The following CASTOR1 variants were observed in gnomAD, a reference collection of about 807,000 sequenced individuals.
The protein encoded by CASTOR1 is GATS protein like 3.
CASTOR1 carries 18 observed loss-of-function variants against 33.7 expected under a neutral mutation model. The observed-to-expected ratio is 0.53, with a 90% confidence interval of 0.37 to 0.79. The LOEUF (loss-of-function observed/expected upper bound fraction) is 0.79, where lower values mean the gene tolerates loss of function less well. Ranked by LOEUF, CASTOR1 falls within the 30% of genes least tolerant of loss-of-function variation. CASTOR1 has a pLI of 0.00. For synonymous variants in CASTOR1, 175 were observed against 190.6 expected, an observed-to-expected ratio of 0.92 and a Z score of 0.67; for missense variants, 362 against 446.3, an observed-to-expected ratio of 0.81 and a Z score of 1.70.
chr22:30,285,335 G>C lies in CASTOR1; in HGVS notation c.*285C>G, dbSNP rs530548093. The C allele has an allele frequency of 2.9e-6, 1 of 345,290 alleles. No individual in the cohort carries two copies. The allele number at this position is 345,290 out of a possible 1,614,324, so 21.4% of individuals were successfully genotyped here. A position where few individuals can be genotyped will look rare whatever the true frequency, so the allele number is the denominator to read the frequency against. ...CTCAGGCAGGGACTGTGCAAACGCCGAGGCTGCGCAGGGAGTGATGGGTTG... is the reference window on the plus strand; with the variant it reads ...CTCAGGCAGGGACTGTGCAAACGCCCAGGCTGCGCAGGGAGTGATGGGTTG... On this transcript the variant is annotated 3_prime_UTR_variant, in exon 9 of 9. Transcript: ENST00000407689.
At chr22:30,288,925 GTTAGCCCCA>G (rs1929859053) in intron 1 of CASTOR1, 149 bp from the exon 2 acceptor site, 2 of 608,644 alleles carry the variant, frequency 3.3e-6, no homozygotes, top group East Asian at 6.1e-5. Flanking sequence ...CCAATGGGAT[GTTAGCCCCA>G]TCTCGGGGGT....
At chr22:30,289,283 G>T in intron 1 of CASTOR1, 102 bp downstream of exon 1, 2 of 886,514 alleles carry the variant, frequency 2.3e-6, no homozygotes, top group Non-Finnish European at 1.8e-6. Flanking sequence ...GCTCCCGCCC[G>T]CCTGCCTGCC....
chr22:30,288,714 C>T lies in CASTOR1; in HGVS notation c.176G>A (p.Gly59Asp). The change falls in exon 2 of 9, where the codon GGC becomes GAC. Residue 59 changes from glycine (G) to aspartate (D), a missense_variant. By Grantham distance (94) the Gly-to-Asp change is moderately conservative. Transcript: ENST00000407689. ...CCCAGACCAACCCCCACCTTTAAAGCCCTCCTCGTCCACCATAAGCGTGTA... is the reference window on the plus strand; with the variant it reads ...CCCAGACCAACCCCCACCTTTAAAGTCCTCCTCGTCCACCATAAGCGTGTA... ...EDYTLMVDEE[G>D]FKELPPSEFL... is the part of the protein sequence containing the mutation. The T allele has an allele frequency of 6.2e-7, 1 of 1,612,360 alleles. No homozygotes were observed. Among genetic ancestry groups the T allele is most frequent in the Non-Finnish European group, 8.5e-7 (1 of 1,179,354 alleles).
At chr22:30,285,743 C>A (rs1387809845) in intron 8 of CASTOR1, 55 bp from the exon 9 acceptor site, 1 of 1,517,202 alleles carries the variant, frequency 6.6e-7, no homozygotes, top group Non-Finnish European at 8.9e-7. Flanking sequence ...CCAGGGCCAC[C>A]CCTGACTTCC....
chr22:30,288,874 G>C, intron 1 of CASTOR1, 98 bp from the exon 2 acceptor site: 2 of 995,254 alleles, frequency 2.0e-6, no homozygotes, highest in East Asian at 5.5e-5. Flanking sequence ...CGCGACCCTG[G>C]GCCGGGCGCC....
rs753853345 is a variant in CASTOR1 at position 30,285,894 on chromosome 22, G to A, written c.859C>T (p.Pro287Ser). ...GCAGAGATGTCAGCGGCAGCCAGGG[G>A]ACCTGCAATCTGTGCCACGATGCCA... ...ECGIVAQIAG[P>S]LAAADISAYY... Residue 287 changes from proline to serine, a missense_variant, in exon 8 of 9, where the codon CCC becomes TCC. Coordinates refer to ENST00000407689, the MANE Select transcript of CASTOR1 (RefSeq NM_001037666.3). 1 of 1,609,624 alleles carries A rather than the reference G, an allele frequency of 6.2e-7. No individual in the cohort carries two copies. The highest frequency in any genetic ancestry group is 8.5e-7 in the Non-Finnish European group (1 of 1,178,462).
At position 30,289,379 on chromosome 22, in the gene CASTOR1, G is replaced by T; in HGVS notation, c.113+6C>A. On this transcript the variant is annotated splice_donor_region_variant and intron_variant, in intron 1 of 8. Coordinates refer to ENST00000407689, the MANE Select transcript of CASTOR1 (RefSeq NM_001037666.3). ...CCTATCTGCGCTCCCGAACCCGGGC[G>T]CGCACCGGCTGCGGCGGGGCAGGAA... 1 of 1,593,620 alleles carries T rather than the reference G, an allele frequency of 6.3e-7. No homozygotes were observed. The highest frequency in any genetic ancestry group is 1.7e-5 in the Admixed American group (1 of 59,364).
intron 3 of CASTOR1, 42 bp from the exon 4 acceptor site, chr22:30,287,329 C>T: frequency 6.3e-7 from 1 of 1,585,616 alleles, no homozygotes; most frequent in Non-Finnish European, 8.6e-7. Flanking sequence ...CTCCCAGGTA[C>T]CTATATCCAC....
intron 5 of CASTOR1, 58 bp downstream of exon 5, chr22:30,286,767 G>C (rs756366126): frequency 1.2e-6 from 2 of 1,609,466 alleles, no homozygotes; most frequent in South Asian, 2.2e-5. Context: ...GCGGAAAGTG[G>C]TGGGACAGAG....
intron 5 of CASTOR1, 171 bp from the exon 6 acceptor site, chr22:30,286,547 G>T: frequency 1.5e-6 from 1 of 659,508 alleles, no homozygotes; most frequent in Non-Finnish European, 2.6e-6. Context: ...GGGTGGGGAT[G>T]GGGGAGGACA....
chr22:30,287,482 G>A lies in CASTOR1; in HGVS notation c.263C>T (p.Ala88Val), dbSNP rs569590873. 125 of 1,613,394 alleles carry A rather than the reference G, an allele frequency of 7.7e-5. 1 individual carries two copies. The South Asian group carries it at 1.1e-3, about 14-fold the overall frequency. Residue 88 changes from alanine to valine, a missense_variant, in exon 3 of 9, where the codon GCA (alanine) becomes GTA (valine). Ala to Val is a moderately conservative substitution (Grantham distance 64, BLOSUM62 0). Coordinates refer to ENST00000407689, the MANE Select transcript of CASTOR1 (RefSeq NM_001037666.3). The part of the protein sequence containing the change: ...VLNVSSHSGA[A>V]VQAAGVTKIA... The stretch of plus-strand genomic sequence containing the variant: ...CTTGGTGACCCCAGCAGCCTGCACT[G>A]CCGCACCGCTGTGAGACGACACGTT...
intron 2 of CASTOR1, 46 bp downstream of exon 2, chr22:30,288,660 C>CT: frequency 1.3e-6 from 2 of 1,492,756 alleles, no homozygotes; most frequent in Non-Finnish European, 1.9e-6. Flanking sequence ...AGAAGGGGAG[C>CT]ACGACAAGCC....
Position 30,286,958 on chromosome 22 carries a change from G to A in CASTOR1, c.506-10C>T. 4 of 1,606,432 alleles carry A rather than the reference G, an allele frequency of 2.5e-6. No individual in the cohort carries two copies. Among genetic ancestry groups the A allele is most frequent in the Non-Finnish European group, 3.4e-6 (4 of 1,175,156 alleles). ...ACCGTGGGGCTGGGCCCTGCTGGAG[G>A]ACAGCAGCAGGTGAAAAGGTGTCCG... On this transcript the variant is annotated splice_polypyrimidine_tract_variant and intron_variant, in intron 4 of 8. Coordinates refer to ENST00000407689, the MANE Select transcript of CASTOR1 (RefSeq NM_001037666.3).
At chr22:30,289,354 C>A (rs763138376) in intron 1 of CASTOR1, 31 bp downstream of exon 1, 615 of 1,460,256 alleles carry the variant, frequency 4.2e-4, no homozygotes, top group Admixed American at 9.3e-4. Flanking sequence ...GCCCCCAGCC[C>A]CTATCTGCGC....
intron 5 of CASTOR1, 165 bp from the exon 6 acceptor site, chr22:30,286,541 G>A (rs532250352): frequency 7.6e-6 from 5 of 660,164 alleles, no homozygotes; most frequent in South Asian, 7.3e-5. Flanking sequence ...AGGTGTGGGT[G>A]GGGATGGGGG....
At position 30,286,961 on chromosome 22, in the gene CASTOR1, A is replaced by T; in HGVS notation, c.506-13T>A. On this transcript the variant is annotated splice_polypyrimidine_tract_variant and intron_variant, in intron 4 of 8. Transcript: ENST00000407689. ...GTGGGGCTGGGCCCTGCTGGAGGAC[A>T]GCAGCAGGTGAAAAGGTGTCCGTGG... The T allele has an allele frequency of 6.2e-7, 1 of 1,605,542 alleles. No individual in the cohort carries two copies. The highest frequency in any genetic ancestry group is 8.5e-7 in the Non-Finnish European group (1 of 1,174,576).
intron 1 of CASTOR1, 61 bp downstream of exon 1, chr22:30,289,324 T>C (rs1303076205): frequency 8.2e-7 from 1 of 1,223,776 alleles, no homozygotes; most frequent in Non-Finnish European, 1.2e-6. Flanking sequence ...CCTCCGACCC[T>C]GGCCCGGAGC....
intron 1 of CASTOR1, 50 bp from the exon 2 acceptor site, chr22:30,288,826 C>G (rs1395368080): frequency 1.3e-6 from 2 of 1,512,170 alleles, no homozygotes; most frequent in East Asian, 4.7e-5. Context: ...AACTAGGGGT[C>G]GGGAGTGGAT....
chr22:30,285,503 C>T lies in CASTOR1; in HGVS notation c.*117G>A, dbSNP rs765965217. ...CGCAGCTTACATACAGAGAGCGGAACGAGGGTCCCCAGCAGAACAGGGGGC... is the reference window on the plus strand; with the variant it reads ...CGCAGCTTACATACAGAGAGCGGAATGAGGGTCCCCAGCAGAACAGGGGGC... On this transcript the variant is annotated 3_prime_UTR_variant, in exon 9 of 9. Transcript: ENST00000407689. 8.7e-5 allele frequency: 71 copies of T among 811,834 alleles called. No individual in the cohort carries two copies. Among genetic ancestry groups the T allele is most frequent in the Non-Finnish European group, 1.4e-4 (71 of 506,904 alleles). The allele number at this position is 811,834 out of a possible 1,614,324, so 50.3% of individuals were successfully genotyped here.
Sources: gnomAD v4.1 joint callset for allele counts on GRCh38, gnomAD v4.1.1 for gene constraint, MANE v1.5 for transcripts, NCBI Gene and HGNC (gene_info 2026-07-23, HGNC 2026-07-21) for gene names.